Variants in HECTD4 observed in about 807,000 individuals in gnomAD.
HECTD4 encodes the protein HECT domain E3 ubiquitin protein ligase 4, also known as probable E3 ubiquitin-protein ligase HECTD4.
A neutral mutation model predicts 471.5 loss-of-function variants in HECTD4; 114 were observed. The ratio of observed to expected loss-of-function variants is 0.24; its 90% CI spans 0.21 to 0.28. The LOEUF is 0.28. Ranked by LOEUF, HECTD4 falls within the 10% of genes least tolerant of loss-of-function variation. HECTD4 has a pLI of 1.00. For missense variants in HECTD4, 3,866 were observed against 5,651.5 expected, an observed-to-expected ratio of 0.68 and a Z score of 10.13; for synonymous variants, 2,012 against 2,256.0, an observed-to-expected ratio of 0.89 and a Z score of 3.07.
In HECTD4 at chr12:112,231,199, A is replaced by G; in HGVS notation, c.6200+314T>C. 5 of 464,984 alleles carry G rather than the reference A, an allele frequency of 1.1e-5. No homozygotes were observed. In the South Asian group the frequency reaches 1.3e-4, roughly 12 times the overall value. The allele number at this position is 464,984 out of a possible 1,614,324, so 28.8% of individuals were successfully genotyped here. On this transcript the variant is annotated intron_variant, in intron 39 of 75. Coordinates refer to ENST00000682272, the MANE Select transcript of HECTD4 (RefSeq NM_001388303.1). ...AGTTTGTGTTCAGTTGGGGCAGTGG[A>G]GATGTACCATTTGCAAGAAATAAAG...
intron 1 of HECTD4, among the ~76,000 whole-genome samples, chr12:112,365,438 G>A (rs954116748): frequency 6.6e-6 from 1 of 152,064 alleles, no homozygotes; most frequent in East Asian, 1.9e-4. Flanking sequence ...TTACCACTGA[G>A]TTCTTTTAAA....
intron 24 of HECTD4, 99 bp from the exon 25 acceptor site, chr12:112,250,476 A>G: frequency 1.2e-6 from 1 of 838,956 alleles, no homozygotes; most frequent in Non-Finnish European, 1.9e-6. Flanking sequence ...GAAGGATCAC[A>G]TTCTGTGTTA....
intron 24 of HECTD4, 129 bp downstream of exon 24, chr12:112,250,842 C>T: frequency 2.4e-6 from 2 of 844,026 alleles, no homozygotes; most frequent in South Asian, 1.9e-5. Context: ...TTTTCTTAGA[C>T]ACAATGACAC....
intron 1 of HECTD4, among the ~76,000 whole-genome samples, chr12:112,356,446 T>G (rs1264107483): frequency 6.6e-6 from 1 of 152,174 alleles, no homozygotes; most frequent in East Asian, 1.9e-4. Context: ...TTTTTTTGTT[T>G]TTTGTTTTTA....
At position 112,253,960 on chromosome 12, in the gene HECTD4, T is replaced by C. The variant is rs188177799; in HGVS notation, c.3447+83A>G. On this transcript the variant is annotated intron_variant, in intron 22 of 75. Coordinates refer to ENST00000682272, the MANE Select transcript of HECTD4 (RefSeq NM_001388303.1). ...AAAGCCCCCAGGGCAAATGTTTTTCTGGGATTACAGTTAGTACTTGGACCT... is the reference window on the plus strand; with the variant it reads ...AAAGCCCCCAGGGCAAATGTTTTTCCGGGATTACAGTTAGTACTTGGACCT... 3 of 1,479,660 alleles carry C rather than the reference T, an allele frequency of 2.0e-6. No homozygotes were observed. The East Asian group carries it at 6.9e-5, about 34-fold the overall frequency. 91.7% of individuals were successfully genotyped at this position (1,479,660 alleles called of 1,614,324 possible). A position where few individuals can be genotyped will look rare whatever the true frequency, so the allele number is the denominator to read the frequency against.
In HECTD4 at chr12:112,281,206, C is replaced by A. The variant is rs7964047; in HGVS notation, c.1529-1820G>T. On this transcript the variant is annotated intron_variant, in intron 8 of 75. Coordinates refer to ENST00000682272, the MANE Select transcript of HECTD4 (RefSeq NM_001388303.1). ...ACGTTAAAGAATCCACATAAAAGTACGATGATTGCTTAAGCCCAGGAGTTT... is the reference window on the plus strand; with the variant it reads ...ACGTTAAAGAATCCACATAAAAGTAAGATGATTGCTTAAGCCCAGGAGTTT... Among the ~76,000 whole-genome samples the A allele has an allele frequency of 0.056, 8,453 of 151,770 alleles. 1,286 individuals are homozygous for A. The East Asian group carries it at 0.61, about 11-fold the overall frequency.
intron 25 of HECTD4, 60 bp from the exon 26 acceptor site, chr12:112,248,572 ATTTTAT>A (rs1195264311): frequency 8.1e-6 from 9 of 1,110,450 alleles, no homozygotes; most frequent in Non-Finnish European, 9.9e-6. Context: ...TCAATACTGT[ATTTTAT>A]TTTTATTTTT....
intron 1 of HECTD4, among the ~76,000 whole-genome samples, chr12:112,339,974 G>A (rs1027200365): frequency 9.9e-5 from 15 of 151,848 alleles, no homozygotes; most frequent in African/African-American, 2.2e-4. Flanking sequence ...GTTTGAACCC[G>A]GGAGGCAATG....
intron 60 of HECTD4, among the ~76,000 whole-genome samples, chr12:112,186,341 A>ATTTT (rs773102015): frequency 1.8e-5 from 2 of 111,840 alleles, no homozygotes; most frequent in African/African-American, 3.4e-5. Context: ...TTTTTTAATA[A>ATTTT]TTTTTTTTTT....
At position 112,236,929 on chromosome 12, in the gene HECTD4, G is replaced by T; in HGVS notation, c.5444+16C>A. 6.3e-7 allele frequency: 1 copy of T among 1,583,602 alleles called. No homozygotes were observed. ...AAGCCAGCTTCTCCCAGAGCTCCAGGCTGGACCTTGCATACCTTGAGAGAT... is the reference window on the plus strand; with the variant it reads ...AAGCCAGCTTCTCCCAGAGCTCCAGTCTGGACCTTGCATACCTTGAGAGAT... On this transcript the variant is annotated intron_variant, in intron 35 of 75. Coordinates refer to ENST00000682272, the MANE Select transcript of HECTD4 (RefSeq NM_001388303.1).
At chr12:112,363,742 C>T (rs1334323794) in intron 1 of HECTD4, among the ~76,000 whole-genome samples, 2 of 150,840 alleles carry the variant, frequency 1.3e-5, no homozygotes, top group African/African-American at 4.9e-5. Context: ...TTTGGGAGGC[C>T]GAGGCAGGTG....
At chr12:112,294,919 AC>A (rs764369851) in intron 7 of HECTD4, among the ~76,000 whole-genome samples, 5 of 152,176 alleles carry the variant, frequency 3.3e-5, no homozygotes, top group Non-Finnish European at 7.4e-5. Flanking sequence ...CCCCGGGGAA[AC>A]CAATACTTCC....
At chr12:112,168,065 T>C (rs1021959370) in intron 70 of HECTD4, 148 bp from the exon 71 acceptor site, 8 of 680,866 alleles carry the variant, frequency 1.2e-5, no homozygotes, top group Non-Finnish European at 1.8e-5. Context: ...ACCCCAGGCC[T>C]GGGAGGCCTC....
At chr12:112,272,857 G>A (rs2034445182) in intron 11 of HECTD4, among the ~76,000 whole-genome samples, 1 of 152,152 alleles carries the variant, frequency 6.6e-6, no homozygotes, top group African/African-American at 2.4e-5. Flanking sequence ...TCCCTATCAA[G>A]TCAGCCCCCT....
chr12:112,203,850 G>T, intron 53 of HECTD4, 78 bp from the exon 54 acceptor site: 1 of 772,708 alleles, frequency 1.3e-6, no homozygotes, highest in Non-Finnish European at 2.0e-6. Flanking sequence ...ATCTAAAATA[G>T]CTCTCCAGAT....
At chr12:112,237,924 T>C (rs1488729731) in intron 34 of HECTD4, among the ~76,000 whole-genome samples, 2 of 152,042 alleles carry the variant, frequency 1.3e-5, no homozygotes, top group Non-Finnish European at 2.9e-5. Context: ...CCGGCTAATT[T>C]TGTATTTTTA....
At chr12:112,341,189 G>A (rs1227609378) in intron 1 of HECTD4, among the ~76,000 whole-genome samples, 1 of 152,134 alleles carries the variant, frequency 6.6e-6, no homozygotes, top group Non-Finnish European at 1.5e-5. Context: ...ACCTGTCAGT[G>A]CACATACATT....
intron 1 of HECTD4, among the ~76,000 whole-genome samples, chr12:112,347,518 A>T (rs1235002442): frequency 6.6e-6 from 1 of 152,176 alleles, no homozygotes; most frequent in East Asian, 1.9e-4. Flanking sequence ...TCAAAAACAC[A>T]AAAAAGAAAG....
intron 1 of HECTD4, among the ~76,000 whole-genome samples, chr12:112,356,973 C>T (rs2036352093): frequency 1.3e-5 from 2 of 152,122 alleles, no homozygotes; most frequent in South Asian, 2.1e-4. Context: ...ACAGACAGTT[C>T]GTGGTATGTG....
Sources: allele counts gnomAD v4.1 joint callset (sites outside exome capture counted in the v4.1 genomes callset), GRCh38; gene constraint gnomAD v4.1.1; transcripts MANE v1.5; gene names NCBI Gene and HGNC (gene_info 2026-07-23, HGNC 2026-07-21).